Variants in WDR7 observed in about 807,000 individuals in gnomAD.
The protein encoded by WDR7 is WD repeat domain 7.
WDR7 carries 46 observed loss-of-function variants against 169.4 expected under a neutral mutation model. That is an observed-to-expected ratio of 0.27 (90% CI 0.21 to 0.35). WDR7 has a LOEUF of 0.35. Ranked by LOEUF, WDR7 falls within the 10% of genes least tolerant of loss-of-function variation. The pLI is 1.00. For synonymous variants in WDR7, 612 were observed against 666.8 expected, an observed-to-expected ratio of 0.92 and a Z score of 1.27; for missense variants, 1,534 against 1,859.3, an observed-to-expected ratio of 0.83 and a Z score of 3.22.
intron 26 of WDR7, among the ~76,000 whole-genome samples, chr18:56,975,984 T>C (rs1352429788): frequency 6.6e-6 from 1 of 152,218 alleles, no homozygotes; most frequent in Non-Finnish European, 1.5e-5. Context: ...CTGGCGTTAC[T>C]TTCAGAGAAA....
At chr18:56,715,244 C>T (rs1000514008) in intron 12 of WDR7, among the ~76,000 whole-genome samples, 3 of 152,102 alleles carry the variant, frequency 2.0e-5, no homozygotes, top group Admixed American at 6.6e-5. Context: ...AGAGAGTATG[C>T]GTAGCTCAGT....
chr18:57,020,969 A>T, intron 27 of WDR7, 120 bp downstream of exon 27: 2 of 811,132 alleles, frequency 2.5e-6, no homozygotes, highest in Non-Finnish European at 4.1e-6. Context: ...TCCTTGCAGC[A>T]AACATCCAGT....
chr18:57,018,102 T>TA (rs1401344823), intron 26 of WDR7, among the ~76,000 whole-genome samples: 1 of 152,200 alleles, frequency 6.6e-6, no homozygotes, highest in Non-Finnish European at 1.5e-5. Context: ...TGCTTACTGT[T>TA]ATGTTCTCTA....
intron 1 of WDR7, among the ~76,000 whole-genome samples, chr18:56,654,319 A>G (rs2024719948): frequency 6.6e-6 from 1 of 152,138 alleles, no homozygotes. Context: ...TTTAGAAGAG[A>G]CGGAGTTTCA....
chr18:56,885,767 C>T (rs1388131191), intron 21 of WDR7, among the ~76,000 whole-genome samples: 1 of 149,544 alleles, frequency 6.7e-6, no homozygotes, highest in East Asian at 2.0e-4. Flanking sequence ...GCGGAGTTCG[C>T]AGTGAGCCGA....
chr18:56,752,147 G>C (rs930892199), intron 14 of WDR7, among the ~76,000 whole-genome samples: 1 of 152,160 alleles, frequency 6.6e-6, no homozygotes, highest in African/African-American at 2.4e-5. Context: ...GTTCAGGTCT[G>C]ATATCAGGCC....
intron 13 of WDR7, 43 bp downstream of exon 13, chr18:56,718,202 T>C: frequency 7.2e-7 from 1 of 1,391,250 alleles, no homozygotes; most frequent in Non-Finnish European, 9.5e-7. Flanking sequence ...ATTAAATGGG[T>C]GTATTTCATT....
chr18:56,929,553 TG>T, intron 22 of WDR7, among the ~76,000 whole-genome samples: 1 of 152,350 alleles, frequency 6.6e-6, no homozygotes, highest in African/African-American at 2.4e-5. Context: ...TTAAACAACT[TG>T]GCTGAGGTCA....
At chr18:56,679,138 A>G (rs1174556933) in intron 2 of WDR7, among the ~76,000 whole-genome samples, 194 bp from the exon 3 acceptor site, 1 of 152,220 alleles carries the variant, frequency 6.6e-6, no homozygotes, top group Non-Finnish European at 1.5e-5. Context: ...GAAGCCAGCC[A>G]GGCCTGTGTC....
At position 56,756,628 on chromosome 18, in the gene WDR7, A is replaced by G. The variant is rs1204743532; in HGVS notation, c.2035A>G (p.Ile679Val). The G allele has an allele frequency of 1.2e-6, 2 of 1,613,440 alleles. No individual in the cohort carries two copies. The highest frequency in any genetic ancestry group is 8.5e-7 in the Non-Finnish European group (1 of 1,179,904). Residue 679 changes from isoleucine to valine, a missense_variant, in exon 15 of 28, where the codon ATA becomes GTA. Ile to Val is a conservative substitution (Grantham distance 29). Coordinates refer to ENST00000254442, the MANE Select transcript of WDR7 (RefSeq NM_015285.3). ...TCATAACTCCCTGATGGTTCAAGCA[A>G]TAAAGACAAACCTAACAGACCCGGA... ...YSHNSLMVQAIKTNLTDPDIH... is the reference protein window; with the variant it reads ...YSHNSLMVQAVKTNLTDPDIH...
In WDR7 at chr18:56,939,301, T is replaced by G. The variant is rs1228610054; in HGVS notation, c.3982-10T>G. 6.7e-7 allele frequency: 1 copy of G among 1,498,662 alleles called. No individual in the cohort carries two copies. Among genetic ancestry groups the G allele is most frequent in the Admixed American group, 2.3e-5 (1 of 44,406 alleles). The allele number at this position is 1,498,662 out of a possible 1,614,324, so 92.8% of individuals were successfully genotyped here. ...GAAATTAATTTTAAATCTGTTCTTT[T>G]CTGTCAAAGGTTATGGACATCATTA... On this transcript the variant is annotated splice_polypyrimidine_tract_variant and intron_variant, in intron 24 of 27. Transcript: ENST00000254442.
chr18:56,732,027 C>T (rs187686061), intron 14 of WDR7, among the ~76,000 whole-genome samples: 6 of 152,160 alleles, frequency 3.9e-5, no homozygotes, highest in Non-Finnish European at 7.4e-5. Flanking sequence ...TAAGGTTAAG[C>T]GATTGTAAAG....
chr18:56,924,053 G>T lies in WDR7; in HGVS notation c.3658G>T (p.Ala1220Ser). Residue 1220 changes from alanine to serine, a missense_variant, in exon 22 of 28, where the codon GCT becomes TCT. Coordinates refer to ENST00000254442, the MANE Select transcript of WDR7 (RefSeq NM_015285.3). ...TVWEPYMDVS[A>S]VLMGLLELCA... ...TTGGGAGCCTTACATGGATGTGTCC[G>T]CTGTTCTGATGGGGCTTCTCGAACT... The T allele has an allele frequency of 6.2e-7, 1 of 1,613,358 alleles. No individual in the cohort carries two copies. Among genetic ancestry groups the T allele is most frequent in the Non-Finnish European group, 8.5e-7 (1 of 1,179,762 alleles).
intron 20 of WDR7, among the ~76,000 whole-genome samples, chr18:56,832,530 G>A (rs1287693369): frequency 3.9e-5 from 6 of 152,226 alleles, no homozygotes; most frequent in Admixed American, 6.5e-5. Flanking sequence ...CCTGACTCCC[G>A]TGCCTCCAGA....
intron 21 of WDR7, among the ~76,000 whole-genome samples, chr18:56,922,142 A>G (rs2046734132): frequency 6.6e-6 from 1 of 152,220 alleles, no homozygotes; most frequent in South Asian, 2.1e-4. Flanking sequence ...AGTAAAAAAT[A>G]AACAGGAAAA....
chr18:56,987,298 AAAAAAAAAAAAAAG>A (rs1216855302), intron 26 of WDR7, among the ~76,000 whole-genome samples: 1 of 151,114 alleles, frequency 6.6e-6, no homozygotes, highest in African/African-American at 2.4e-5. Flanking sequence ...AAAAAAAAAA[AAAAAAAAAAAAAAG>A]GTGAGGTTTC....
At position 56,935,816 on chromosome 18, in the gene WDR7, G is replaced by A; in HGVS notation, c.3742G>A (p.Ala1248Thr). 1 of 1,614,080 alleles carries A rather than the reference G, an allele frequency of 6.2e-7. No individual in the cohort carries two copies. The highest frequency in any genetic ancestry group is 8.5e-7 in the Non-Finnish European group (1 of 1,180,032). The change falls in exon 23 of 28, where the codon GCA becomes ACA. Residue 1248 changes from alanine to threonine, a missense_variant. Physicochemically the swap from Ala to Thr is moderately conservative, Grantham distance 58. Transcript: ENST00000254442. The stretch of plus-strand genomic sequence containing the variant: ...CACAATGGGGTTGCCTCTGAGCCCA[G>A]CAGCTGACTCGGCCCGCTCTGCGAG... ...NITMGLPLSPAADSARSARHA... is the reference protein window; with the variant it reads ...NITMGLPLSPTADSARSARHA...
intron 20 of WDR7, among the ~76,000 whole-genome samples, chr18:56,834,442 A>G (rs1037124124): frequency 1.2e-4 from 18 of 151,706 alleles, no homozygotes; most frequent in African/African-American, 4.1e-4. Context: ...ACTGCTTGCA[A>G]TTTCGTTCCT....
intron 14 of WDR7, among the ~76,000 whole-genome samples, chr18:56,742,725 C>T (rs2043639367): frequency 6.6e-6 from 1 of 152,054 alleles, no homozygotes; most frequent in Admixed American, 6.5e-5. Context: ...GGACTGGCTT[C>T]TTGGAGGAGG....
Sources: allele counts gnomAD v4.1 joint callset (sites outside exome capture counted in the v4.1 genomes callset), GRCh38; gene constraint gnomAD v4.1.1; transcripts MANE v1.5; gene names NCBI Gene and HGNC (gene_info 2026-07-23, HGNC 2026-07-21).